IMMP2L: variants seen among roughly 807,000 people sequenced by gnomAD.
IMMP2L encodes mitochondrial inner membrane protease subunit 2.
A neutral mutation model predicts 19.3 loss-of-function variants in IMMP2L; 18 were observed. The observed-to-expected ratio is 0.93, with a 90% confidence interval of 0.64 to 1.38. The LOEUF (loss-of-function observed/expected upper bound fraction) is 1.38, where lower values mean the gene tolerates loss of function less well. Ranked by LOEUF, IMMP2L falls within the 40% of genes most tolerant of loss-of-function variation. The pLI is 0.00. For missense variants in IMMP2L, 233 were observed against 218.2 expected, an observed-to-expected ratio of 1.07 and a Z score of -0.43; for synonymous variants, 76 against 73.0, an observed-to-expected ratio of 1.04 and a Z score of -0.21.
chr7:111,440,085 C>T (rs1465831139), intron 3 of IMMP2L, among the ~76,000 whole-genome samples: 1 of 151,840 alleles, frequency 6.6e-6, no homozygotes, highest in African/African-American at 2.4e-5. Flanking sequence ...TTACTGTTTC[C>T]ACCACATCTG....
At chr7:111,149,953 C>A (rs968735113) in intron 3 of IMMP2L, among the ~76,000 whole-genome samples, 1 of 152,120 alleles carries the variant, frequency 6.6e-6, no homozygotes, top group African/African-American at 2.4e-5. Context: ...TGAAGTAATA[C>A]ACTGACAGTT....
At chr7:111,366,571 T>C (rs968113194) in intron 3 of IMMP2L, among the ~76,000 whole-genome samples, 1 of 151,872 alleles carries the variant, frequency 6.6e-6, no homozygotes, top group Non-Finnish European at 1.5e-5. Context: ...AAAATTCAAA[T>C]ATGAATGGTA....
chr7:110,949,625 T>A (rs1030161616), intron 4 of IMMP2L, among the ~76,000 whole-genome samples: 8 of 152,332 alleles, frequency 5.3e-5, no homozygotes, highest in Middle Eastern at 3.4e-3. Flanking sequence ...GTTGTTTTCA[T>A]GCTACAATAT....
Position 110,731,901 on chromosome 7 carries a change from A to T in IMMP2L, c.409-68180T>A, listed in dbSNP as rs566035075. On this transcript the variant is annotated intron_variant, in intron 5 of 5. Coordinates refer to ENST00000405709, the MANE Select transcript of IMMP2L (RefSeq NM_032549.4). ...ACTGAACTAGGTGCTGAACAAAAAA[A>T]GTAGTCTCTTTGTAGAGTTCTTAGA... Among the ~76,000 whole-genome samples, 3 of 152,382 alleles carry T rather than the reference A, an allele frequency of 2.0e-5. No individual in the cohort carries two copies. In the East Asian group the frequency reaches 5.8e-4, roughly 29 times the overall value.
chr7:110,975,794 T>C (rs1037505238), intron 3 of IMMP2L, among the ~76,000 whole-genome samples: 35 of 152,064 alleles, frequency 2.3e-4, no homozygotes, highest in African/African-American at 8.5e-4. Context: ...AGTTTAGAAA[T>C]CTTACCACAC....
chr7:111,257,870 T>C (rs1816888562), intron 3 of IMMP2L, among the ~76,000 whole-genome samples: 1 of 152,012 alleles, frequency 6.6e-6, no homozygotes. Context: ...GCCAGTTGCT[T>C]TGCTGCACCC....
At chr7:111,292,842 T>C (rs372555663) in intron 3 of IMMP2L, among the ~76,000 whole-genome samples, 98 of 152,154 alleles carry the variant, frequency 6.4e-4, no homozygotes, top group African/African-American at 2.1e-3. Context: ...CTCTGCATAA[T>C]ACTATATATA....
chr7:111,507,366 A>G lies in IMMP2L; in HGVS notation c.135+13947T>C, dbSNP rs545096772. Among the ~76,000 whole-genome samples the G allele has an allele frequency of 1.9e-4, 29 of 152,306 alleles. No homozygotes were observed. In the South Asian group the frequency reaches 5.4e-3, roughly 28 times the overall value. On this transcript the variant is annotated intron_variant, in intron 2 of 5. Coordinates refer to ENST00000405709, the MANE Select transcript of IMMP2L (RefSeq NM_032549.4). Reference sequence around the variant, plus strand: ...TATACGAAGCCAGCTGACAATTTCAATATTTTCGCCTGGAAATCTCCTTAG... The same window carrying G: ...TATACGAAGCCAGCTGACAATTTCAGTATTTTCGCCTGGAAATCTCCTTAG...
In IMMP2L at chr7:111,231,834, T is replaced by C. The variant is rs1813749704; in HGVS notation, c.239+255404A>G. Among the ~76,000 whole-genome samples, 6 of 152,036 alleles carry C rather than the reference T, an allele frequency of 3.9e-5. No homozygotes were observed. In the South Asian group the frequency reaches 1.2e-3, roughly 31 times the overall value. On this transcript the variant is annotated intron_variant, in intron 3 of 5. Transcript: ENST00000405709. The stretch of plus-strand genomic sequence containing the variant: ...TTCGAATATAACTGAAACACTCTTC[T>C]GAGATTTTCTCAGGGAATATCATAT...
At position 111,561,864 on chromosome 7, in the gene IMMP2L, C is replaced by T. The variant is rs1279628180; in HGVS notation, c.-16G>A. The T allele has an allele frequency of 1.3e-5, 2 of 152,692 alleles. No individual in the cohort carries two copies. Among genetic ancestry groups the T allele is most frequent in the African/African-American group, 4.8e-5 (2 of 41,468 alleles). The allele number at this position is 152,692 out of a possible 1,614,324, so 9.5% of individuals were successfully genotyped here. On this transcript the variant is annotated 5_prime_UTR_variant, in exon 1 of 6. Coordinates refer to ENST00000405709, the MANE Select transcript of IMMP2L (RefSeq NM_032549.4). Reference sequence around the variant, plus strand: ...TTCCTTACTTACCCTTTCTCCCGCTCTTCCTCGGTGAGAAGGGGTAAGTGG... The same window carrying T: ...TTCCTTACTTACCCTTTCTCCCGCTTTTCCTCGGTGAGAAGGGGTAAGTGG...
chr7:111,339,354 T>C (rs1030007951), intron 3 of IMMP2L, among the ~76,000 whole-genome samples: 2 of 151,854 alleles, frequency 1.3e-5, no homozygotes, highest in Non-Finnish European at 2.9e-5. Flanking sequence ...AGAGTATTTC[T>C]CTCTGAAATA....
intron 3 of IMMP2L, among the ~76,000 whole-genome samples, chr7:111,332,062 A>G (rs1249128892): frequency 6.6e-6 from 1 of 151,978 alleles, no homozygotes; most frequent in East Asian, 1.9e-4. Flanking sequence ...CCACAAAAAC[A>G]ATAAGACAAA....
intron 3 of IMMP2L, among the ~76,000 whole-genome samples, chr7:111,485,663 T>A: frequency 7.3e-6 from 1 of 136,080 alleles, no homozygotes; most frequent in East Asian, 2.4e-4. Context: ...TATATATCAA[T>A]CCCAATTTGA....
In IMMP2L at chr7:110,852,448, T is replaced by C. The variant is rs191686545; in HGVS notation, c.408+34145A>G. Among the ~76,000 whole-genome samples, 497 of 152,150 alleles carry C rather than the reference T, an allele frequency of 3.3e-3. 1 individual carries two copies. The highest frequency in any genetic ancestry group is 4.6e-3 in the Non-Finnish European group (312 of 67,970). On this transcript the variant is annotated intron_variant, in intron 5 of 5. Transcript: ENST00000405709. ...GCAACATGATGGCCAGAATGGTACCTGCACATGCAACGGGGTGCATTATAA... is the reference window on the plus strand; with the variant it reads ...GCAACATGATGGCCAGAATGGTACCCGCACATGCAACGGGGTGCATTATAA...
At chr7:110,830,100 A>G (rs1221582146) in intron 5 of IMMP2L, among the ~76,000 whole-genome samples, 1 of 152,124 alleles carries the variant, frequency 6.6e-6, no homozygotes, top group African/African-American at 2.4e-5. Context: ...GTTAAATCAG[A>G]TTATTTATCA....
chr7:111,114,099 C>T (rs1255329924), intron 3 of IMMP2L, among the ~76,000 whole-genome samples: 1 of 151,668 alleles, frequency 6.6e-6, no homozygotes, highest in Non-Finnish European at 1.5e-5. Context: ...CTGAACAGAA[C>T]TGAAGTCTCT....
intron 3 of IMMP2L, among the ~76,000 whole-genome samples, chr7:111,463,544 C>T (rs1278207687): frequency 6.6e-6 from 1 of 152,124 alleles, no homozygotes; most frequent in Non-Finnish European, 1.5e-5. Context: ...CATACCCCCA[C>T]CAGGCCACTT....
intron 3 of IMMP2L, among the ~76,000 whole-genome samples, chr7:111,071,799 G>A (rs893078738): frequency 6.6e-6 from 1 of 152,106 alleles, no homozygotes. Flanking sequence ...TTTGTAACTT[G>A]ATATAGGTGG....
rs901446875 is a variant in IMMP2L, at chr7:111,120,999, C to G, written c.240-157434G>C. The stretch of plus-strand genomic sequence containing the variant: ...AGTTGTTTTCCTTTTTTCCCTATAA[C>G]TAAATTTCAAAGCTAATGAAAATAT... On this transcript the variant is annotated intron_variant, in intron 3 of 5. Transcript: ENST00000405709. Among the ~76,000 whole-genome samples, 5 of 149,574 alleles carry G rather than the reference C, an allele frequency of 3.3e-5. No homozygotes were observed. In the South Asian group the frequency reaches 1.0e-3, roughly 31 times the overall value.
Sources: gnomAD v4.1 joint callset for allele counts (sites outside exome capture counted in the v4.1 genomes callset) on GRCh38, gnomAD v4.1.1 for gene constraint, MANE v1.5 for transcripts, NCBI Gene and HGNC (gene_info 2026-07-23, HGNC 2026-07-21) for gene names.